DENND2C: variants seen among roughly 807,000 people sequenced by gnomAD.
DENND2C encodes DENN domain-containing protein 2C.
In DENND2C, 72 loss-of-function variants were observed where a neutral mutation model predicts 112.4. That is an observed-to-expected ratio of 0.64 (90% confidence interval 0.53 to 0.78). The LOEUF (loss-of-function observed/expected upper bound fraction) is 0.78, where lower values mean the gene tolerates loss of function less well. Ranked by LOEUF, DENND2C falls within the 30% of genes least tolerant of loss-of-function variation. DENND2C has a pLI of 0.00. For missense variants in DENND2C, 992 were observed against 1,113.8 expected, an observed-to-expected ratio of 0.89 and a Z score of 1.56; for synonymous variants, 329 against 381.6, an observed-to-expected ratio of 0.86 and a Z score of 1.61.
chr1:114,622,850 T>C (rs561656217), intron 6 of DENND2C, 137 bp downstream of exon 6: 11 of 482,176 alleles, frequency 2.3e-5, no homozygotes, highest in Admixed American at 8.7e-5. Flanking sequence ...AAAACAAAAA[T>C]TAAAAAAACT....
chr1:114,630,276 C>G (rs1656453645), intron 3 of DENND2C, among the ~76,000 whole-genome samples: 1 of 151,846 alleles, frequency 6.6e-6, no homozygotes, highest in South Asian at 2.1e-4. Context: ...CCACTTCATT[C>G]CAGTCTGGCG....
intron 11 of DENND2C, among the ~76,000 whole-genome samples, chr1:114,603,544 T>C (rs1170297075): frequency 1.3e-5 from 2 of 151,032 alleles, no homozygotes; most frequent in Non-Finnish European, 3.0e-5. Context: ...TCCTTCCTTT[T>C]ATTATTATTA....
intron 8 of DENND2C, among the ~76,000 whole-genome samples, chr1:114,617,946 T>C (rs61128297): frequency 2.0e-4 from 30 of 152,154 alleles, no homozygotes; most frequent in African/African-American, 7.0e-4. Flanking sequence ...TCCCTTATCT[T>C]AAAGAAGTTT....
intron 18 of DENND2C, 74 bp downstream of exon 18, chr1:114,594,399 A>G: frequency 8.0e-7 from 1 of 1,247,142 alleles, no homozygotes; most frequent in East Asian, 2.3e-5. Flanking sequence ...ATCCTTTAAC[A>G]TAGTGCTGGG....
chr1:114,608,173 A>G (rs2101653064), intron 10 of DENND2C, among the ~76,000 whole-genome samples: 1 of 152,174 alleles, frequency 6.6e-6, no homozygotes, highest in South Asian at 2.1e-4. Flanking sequence ...GCTACTCAAG[A>G]GGCTTGAACC....
intron 1 of DENND2C, among the ~76,000 whole-genome samples, chr1:114,668,640 C>T (rs947447984): frequency 2.0e-5 from 3 of 151,938 alleles, no homozygotes; most frequent in African/African-American, 7.3e-5. Context: ...CAAGTATCCC[C>T]AGCAAAAGCC....
intron 3 of DENND2C, among the ~76,000 whole-genome samples, chr1:114,634,168 C>T (rs925856818): frequency 1.3e-5 from 2 of 152,174 alleles, no homozygotes; most frequent in East Asian, 1.9e-4. Flanking sequence ...TGGACAAATC[C>T]ACAATTTTAG....
At chr1:114,598,158 C>T (rs756001214) in intron 16 of DENND2C, among the ~76,000 whole-genome samples, 14 of 152,192 alleles carry the variant, frequency 9.2e-5, no homozygotes, top group Non-Finnish European at 1.5e-4. Context: ...TGTGTGTATG[C>T]ACTGAGGGTC....
intron 3 of DENND2C, among the ~76,000 whole-genome samples, chr1:114,643,895 G>A (rs1656909226): frequency 6.6e-6 from 1 of 152,152 alleles, no homozygotes; most frequent in Admixed American, 6.5e-5. Flanking sequence ...CAAAGACTTA[G>A]AATAATGCTA....
At chr1:114,663,111 A>C (rs1657543331) in intron 1 of DENND2C, among the ~76,000 whole-genome samples, 1 of 152,216 alleles carries the variant, frequency 6.6e-6, no homozygotes, top group South Asian at 2.1e-4. Context: ...ATAATTTGCT[A>C]TACTGCTTAT....
intron 8 of DENND2C, among the ~76,000 whole-genome samples, chr1:114,612,444 C>T (rs1412373461): frequency 5.3e-5 from 8 of 151,170 alleles, no homozygotes; most frequent in South Asian, 2.1e-4. Flanking sequence ...CTCTGCCTCC[C>T]GGACTCAACT....
intron 3 of DENND2C, among the ~76,000 whole-genome samples, chr1:114,642,241 G>T (rs142154652): frequency 1.3e-5 from 2 of 152,006 alleles, no homozygotes; most frequent in African/African-American, 4.8e-5. Context: ...GTGAGCCACC[G>T]CGCCCAGCTA....
chr1:114,621,591 C>T (rs1010384232), intron 7 of DENND2C, among the ~76,000 whole-genome samples: 5 of 152,172 alleles, frequency 3.3e-5, no homozygotes, highest in African/African-American at 7.2e-5. Flanking sequence ...CCTGAGAGAA[C>T]GCCCTTTTAT....
chr1:114,587,307 A>G (rs757461775), intron 20 of DENND2C, 80 bp downstream of exon 20: 2 of 1,512,338 alleles, frequency 1.3e-6, no homozygotes, highest in Non-Finnish European at 1.8e-6. Flanking sequence ...TTGACCTCGC[A>G]AAGTGCTGGA....
chr1:114,625,307 C>T lies in DENND2C; in HGVS notation c.678G>A (p.Thr226=), dbSNP rs192955430. The change falls in exon 4 of 21, where the codon ACG becomes ACA. Residue 226 remains threonine (T), a synonymous_variant. Coordinates refer to ENST00000393274, the MANE Select transcript of DENND2C (RefSeq NM_001256404.2). ...TFRYLSESGV[T]PYKERNCDKK... is the part of the protein sequence containing the mutation. ...TGTCACAGTTTCTTTCTTTATACGG[C>T]GTAACACCAGATTCGGATAAATATC... 6.6e-5 allele frequency: 106 copies of T among 1,614,092 alleles called. No individual in the cohort carries two copies. In the African/African-American group the frequency reaches 1.3e-3, roughly 20 times the overall value.
At chr1:114,657,255 TTTTGTTTG>T (rs144399933) in intron 1 of DENND2C, among the ~76,000 whole-genome samples, 3 of 152,214 alleles carry the variant, frequency 2.0e-5, no homozygotes, top group African/African-American at 7.2e-5. Context: ...CATTTTTTTC[TTTTGTTTG>T]TTTGTTTGTT....
intron 2 of DENND2C, among the ~76,000 whole-genome samples, chr1:114,650,215 C>T (rs1657115651): frequency 6.6e-6 from 1 of 151,886 alleles, no homozygotes; most frequent in Admixed American, 6.6e-5. Flanking sequence ...CCCAGTTACT[C>T]AGGAGGCTGA....
In DENND2C at chr1:114,600,829, A is replaced by G; in HGVS notation, c.1947T>C (p.Ala649=). ...AAATGAGCTAACTTACCTCATCTCC[A>G]GCCCCAGGGAGGTAACTCTTAACTG... ...TITVKSYLPG[A]GDESIELCRP... Residue 649 remains alanine (A), a synonymous_variant, in exon 14 of 21, where the codon GCT becomes GCC. Transcript: ENST00000393274. 3 of 1,611,684 alleles carry G rather than the reference A, an allele frequency of 1.9e-6. No individual in the cohort carries two copies. Among genetic ancestry groups the G allele is most frequent in the Non-Finnish European group, 2.5e-6 (3 of 1,179,184 alleles).
chr1:114,591,900 T>C (rs1247697027), intron 18 of DENND2C, among the ~76,000 whole-genome samples: 1 of 150,974 alleles, frequency 6.6e-6, no homozygotes, highest in Non-Finnish European at 1.5e-5. Flanking sequence ...ATTATTATTA[T>C]TTTAGACAGG....
Sources: allele counts gnomAD v4.1 joint callset (sites outside exome capture counted in the v4.1 genomes callset), GRCh38; gene constraint gnomAD v4.1.1; transcripts MANE v1.5; gene names NCBI Gene and HGNC (gene_info 2026-07-23, HGNC 2026-07-21).